ATL1: variants seen among roughly 807,000 people sequenced by gnomAD.
The protein encoded by ATL1 is atlastin GTPase 1.
ATL1 carries 31 observed loss-of-function variants against 75.5 expected under a neutral mutation model. The observed-to-expected ratio is 0.41, with a 90% CI of 0.31 to 0.55. The LOEUF is 0.55. Ranked by LOEUF, ATL1 falls within the 20% of genes least tolerant of loss-of-function variation. The pLI, the probability that ATL1 is intolerant of heterozygous loss-of-function variation, is 0.27. For synonymous variants in ATL1, 226 were observed against 233.3 expected (o/e 0.97, Z 0.28); for missense variants, 405 against 662.6 (o/e 0.61, Z 4.27).
At chr14:50,546,024 T>G (rs2038626831) in intron 1 of ATL1, among the ~76,000 whole-genome samples, 1 of 152,202 alleles carries the variant, frequency 6.6e-6, no homozygotes, top group Non-Finnish European at 1.5e-5. Context: ...GAAATCAAAC[T>G]CACTGTTTAT....
chr14:50,578,371 C>T (rs1400971334), intron 1 of ATL1, among the ~76,000 whole-genome samples: 1 of 152,122 alleles, frequency 6.6e-6, no homozygotes, highest in Non-Finnish European at 1.5e-5. Flanking sequence ...ATCTACCTAA[C>T]CCACACCTGG....
intron 1 of ATL1, among the ~76,000 whole-genome samples, chr14:50,563,805 T>G (rs1224122090): frequency 2.0e-5 from 3 of 152,218 alleles, no homozygotes; most frequent in Non-Finnish European, 2.9e-5. Flanking sequence ...CATCTGTACC[T>G]AAATCTACTC....
intron 13 of ATL1, chr14:50,630,977 G>A (rs2039574006): frequency 2.2e-6 from 1 of 455,004 alleles, no homozygotes; most frequent in Admixed American, 2.4e-5. Context: ...AGAAAATCAA[G>A]GCCAGGCGCG....
intron 5 of ATL1, 65 bp from the exon 6 acceptor site, chr14:50,595,511 G>T (rs1472713916): frequency 6.7e-7 from 1 of 1,498,396 alleles, no homozygotes; most frequent in Non-Finnish European, 9.2e-7. Flanking sequence ...CTTTGCAGGT[G>T]CTAAAGTTCT....
At chr14:50,604,469 G>A (rs529095186) in intron 6 of ATL1, among the ~76,000 whole-genome samples, 1 of 152,168 alleles carries the variant, frequency 6.6e-6, no homozygotes, top group Non-Finnish European at 1.5e-5. Flanking sequence ...TGTTCACTAA[G>A]GGGGTAGTAT....
chr14:50,577,826 T>C lies in ATL1; in HGVS notation c.35-10005T>C, dbSNP rs148254839. On this transcript the variant is annotated intron_variant, in intron 1 of 13. Transcript: ENST00000358385. ...AGGATTCATCCTATTATAGCATGTA[T>C]TGGTACTGCATTTCTTTTTATTGCT... Among the ~76,000 whole-genome samples, 10 of 152,330 alleles carry C rather than the reference T, an allele frequency of 6.6e-5. No homozygotes were observed. In the East Asian group the frequency reaches 1.9e-3, roughly 29 times the overall value.
Position 50,632,387 on chromosome 14 carries a change from T to C in ATL1, c.*48T>C. 7.9e-7 allele frequency: 1 copy of C among 1,270,518 alleles called. No homozygotes were observed. The highest frequency in any genetic ancestry group is 1.1e-6 in the Non-Finnish European group (1 of 876,240). 78.7% of individuals were successfully genotyped at this position (1,270,518 alleles called of 1,614,324 possible). A position where few individuals can be genotyped will look rare whatever the true frequency, so the allele number is the denominator to read the frequency against. On this transcript the variant is annotated 3_prime_UTR_variant, in exon 14 of 14. Coordinates refer to ENST00000358385, the MANE Select transcript of ATL1 (RefSeq NM_015915.5). The stretch of plus-strand genomic sequence containing the variant: ...TGCATGACCAATTGTCAATTAAATA[T>C]TCAGTTTTATGTCTCCATGCAAACA...
Position 50,591,062 on chromosome 14 carries a change from C to G in ATL1, c.404C>G (p.Pro135Arg). The change falls in exon 3 of 14, where the codon CCT (proline) becomes CGT (arginine). Residue 135 changes from proline (P) to arginine (R), a missense_variant. Coordinates refer to ENST00000358385, the MANE Select transcript of ATL1 (RefSeq NM_015915.5). ...AGTGAAATCTTCCTTATCAATAAACCTGATGGTAAAAAGGTATGATGCTAA... is the reference window on the plus strand; with the variant it reads ...AGTGAAATCTTCCTTATCAATAAACGTGATGGTAAAAAGGTATGATGCTAA... ...IWSEIFLINK[P>R]DGKKVAVLLM... 6.2e-7 allele frequency: 1 copy of G among 1,613,374 alleles called. No homozygotes were observed. Among genetic ancestry groups the G allele is most frequent in the Non-Finnish European group, 8.5e-7 (1 of 1,179,728 alleles).
chr14:50,592,354 A>C (rs940741136), intron 4 of ATL1, among the ~76,000 whole-genome samples: 7 of 152,334 alleles, frequency 4.6e-5, no homozygotes, highest in African/African-American at 1.7e-4. Context: ...AAGATAGCTT[A>C]AAAAGGCAGA....
intron 1 of ATL1, among the ~76,000 whole-genome samples, chr14:50,544,969 A>G (rs1413166951): frequency 6.7e-6 from 1 of 150,066 alleles, no homozygotes; most frequent in Non-Finnish European, 1.5e-5. Flanking sequence ...AAAAGAAGCC[A>G]ACTATAATGT....
rs2039134248 is a variant in ATL1, at chr14:50,589,411, G to A, written c.282+1333G>A. Among the ~76,000 whole-genome samples, 3 of 152,132 alleles carry A rather than the reference G, an allele frequency of 2.0e-5. 1 individual carries two copies. In the South Asian group the frequency reaches 6.2e-4, roughly 32 times the overall value. ...CTAACCTTGTGATCCACCTGCCTCG[G>A]CCTCCCAAAGTGCTGAGATTACAGA... On this transcript the variant is annotated intron_variant, in intron 2 of 13. Transcript: ENST00000358385.
intron 12 of ATL1, 119 bp downstream of exon 12, chr14:50,628,581 G>T (rs2039546009): frequency 1.9e-6 from 2 of 1,027,084 alleles, no homozygotes; most frequent in Admixed American, 2.0e-5. Flanking sequence ...CAGTCATCAA[G>T]AATGTTATGA....
chr14:50,614,576 A>G (rs1365631727), intron 8 of ATL1, 65 bp downstream of exon 8: 14 of 1,531,472 alleles, frequency 9.1e-6, no homozygotes, highest in Middle Eastern at 1.7e-4. Context: ...CATTTTATCT[A>G]TTGGGCTTAT....
At chr14:50,584,500 G>A (rs1193775251) in intron 1 of ATL1, among the ~76,000 whole-genome samples, 1 of 152,130 alleles carries the variant, frequency 6.6e-6, no homozygotes, top group Admixed American at 6.5e-5. Context: ...TCAGGAGATC[G>A]AGACCATCCT....
At chr14:50,576,362 G>A (rs1050866333) in intron 1 of ATL1, among the ~76,000 whole-genome samples, 1 of 152,090 alleles carries the variant, frequency 6.6e-6, no homozygotes. Flanking sequence ...TGTATAGTTG[G>A]TTCTTTCCTT....
intron 13 of ATL1, 72 bp from the exon 14 acceptor site, chr14:50,632,157 A>G (rs975115754): frequency 2.7e-5 from 28 of 1,051,488 alleles, no homozygotes; most frequent in Admixed American, 1.8e-4. Flanking sequence ...CAGTACGATA[A>G]ACTAAAAAGG....
chr14:50,578,599 C>A (rs903977094), intron 1 of ATL1, among the ~76,000 whole-genome samples: 8 of 152,042 alleles, frequency 5.3e-5, no homozygotes, highest in African/African-American at 1.7e-4. Context: ...CTCCCACACA[C>A]TTTTTTTTCA....
At chr14:50,580,198 G>A (rs1192482804) in intron 1 of ATL1, among the ~76,000 whole-genome samples, 2 of 152,076 alleles carry the variant, frequency 1.3e-5, no homozygotes, top group Non-Finnish European at 2.9e-5. Context: ...TGGAAATTTG[G>A]GTTGTTCACA....
At position 50,587,874 on chromosome 14, in the gene ATL1, G is replaced by A; in HGVS notation, c.78G>A (p.Glu26=). 3 of 1,614,132 alleles carry A rather than the reference G, an allele frequency of 1.9e-6. No homozygotes were observed. In the East Asian group the frequency reaches 6.7e-5, roughly 36 times the overall value. ...EKTYEWSSEE[E]EPVKKAGPVQ... ...CATATGAATGGAGCTCAGAAGAGGA[G>A]GAGCCAGTGAAAAAGGCAGGACCAG... The change falls in exon 2 of 14, where the codon GAG becomes GAA. Residue 26 remains glutamate, a synonymous_variant. Coordinates refer to ENST00000358385, the MANE Select transcript of ATL1 (RefSeq NM_015915.5).
Sources: gnomAD v4.1 joint callset for allele counts (sites outside exome capture counted in the v4.1 genomes callset) on GRCh38, gnomAD v4.1.1 for gene constraint, MANE v1.5 for transcripts, NCBI Gene and HGNC (gene_info 2026-07-23, HGNC 2026-07-21) for gene names.